GRAP2: variants seen among roughly 807,000 people sequenced by gnomAD.
GRAP2 encodes the protein GRB2-related adapter protein 2.
Under a neutral mutation model 43.5 loss-of-function variants are expected in GRAP2, and 31 were observed. The observed-to-expected ratio is 0.71, with a 90% CI of 0.54 to 0.96. The LOEUF is 0.96. GRAP2 is among the 40% of genes least tolerant of loss of function. GRAP2 has a pLI of 0.00. For missense variants in GRAP2, 371 were observed against 424.4 expected, an observed-to-expected ratio of 0.87 and a Z score of 1.11; for synonymous variants, 156 against 164.8, an observed-to-expected ratio of 0.95 and a Z score of 0.41.
At chr22:39,919,635 G>C (rs1046956112) in intron 1 of GRAP2, among the ~76,000 whole-genome samples, 1 of 152,104 alleles carries the variant, frequency 6.6e-6, no homozygotes, top group Non-Finnish European at 1.5e-5. Flanking sequence ...CTAACACCCA[G>C]TTTTACCTGT....
At chr22:39,950,647 A>G (rs1159856070) in intron 2 of GRAP2, among the ~76,000 whole-genome samples, 2 of 152,212 alleles carry the variant, frequency 1.3e-5, no homozygotes, top group East Asian at 1.9e-4. Context: ...TGCCCAGTAC[A>G]TATTTCTTGA....
At chr22:39,911,365 GAC>G (rs2066563894) in intron 1 of GRAP2, among the ~76,000 whole-genome samples, 5 of 151,882 alleles carry the variant, frequency 3.3e-5, no homozygotes, top group African/African-American at 1.2e-4. Context: ...CATTTAAAAT[GAC>G]TCTCTTCCCT....
At chr22:39,938,869 G>A (rs1166363075) in intron 1 of GRAP2, among the ~76,000 whole-genome samples, 2 of 152,174 alleles carry the variant, frequency 1.3e-5, no homozygotes, top group Non-Finnish European at 2.9e-5. Context: ...CATCCTCATG[G>A]TCTCCAAGAC....
intron 2 of GRAP2, among the ~76,000 whole-genome samples, chr22:39,950,394 G>C (rs368832465): frequency 6.6e-6 from 1 of 152,116 alleles, no homozygotes; most frequent in African/African-American, 2.4e-5. Context: ...CCTTTGCCCC[G>C]TGGGATCCTA....
intron 1 of GRAP2, among the ~76,000 whole-genome samples, chr22:39,940,226 A>T (rs757416607): frequency 5.3e-5 from 8 of 152,208 alleles, no homozygotes; most frequent in Non-Finnish European, 8.8e-5. Flanking sequence ...TAAGAAGGGT[A>T]ACATTTCCAA....
chr22:39,920,802 C>T (rs2066642455), intron 1 of GRAP2, among the ~76,000 whole-genome samples: 3 of 151,918 alleles, frequency 2.0e-5, no homozygotes, highest in African/African-American at 7.3e-5. Context: ...CACACACACA[C>T]GTGGATGCTG....
chr22:39,963,755 C>T (rs548043786), intron 4 of GRAP2, among the ~76,000 whole-genome samples: 5 of 152,194 alleles, frequency 3.3e-5, no homozygotes, highest in South Asian at 2.1e-4. Context: ...CAGTGGCTCA[C>T]GCCTGTAATC....
intron 2 of GRAP2, chr22:39,948,532 A>G (rs1223409890): frequency 6.6e-6 from 1 of 152,106 alleles, no homozygotes; most frequent in African/African-American, 2.4e-5. Flanking sequence ...AAAGAAAAAA[A>G]AAAAAAACTT....
At chr22:39,921,369 A>G (rs1375290630) in intron 1 of GRAP2, among the ~76,000 whole-genome samples, 1 of 152,240 alleles carries the variant, frequency 6.6e-6, no homozygotes, top group Non-Finnish European at 1.5e-5. Flanking sequence ...TTGATTGATG[A>G]CATAATACAT....
chr22:39,968,193 C>T lies in GRAP2; in HGVS notation c.611C>T (p.Pro204Leu), dbSNP rs746302435. The T allele has an allele frequency of 3.1e-6, 5 of 1,610,678 alleles. No individual in the cohort carries two copies. The highest frequency in any genetic ancestry group is 1.1e-5 in the South Asian group (1 of 90,908). Reference sequence around the variant, plus strand: ...CAGCAGCACCAGCACCAGCCACAGCCTCCGCAATATGCCCCAGCGCCCCAG... The same window carrying T: ...CAGCAGCACCAGCACCAGCCACAGCTTCCGCAATATGCCCCAGCGCCCCAG... ...PLQQHQHQPQ[P>L]PQYAPAPQQL... Residue 204 changes from proline (P) to leucine (L), a missense_variant, in exon 6 of 8, where the codon CCT becomes CTT. Physicochemically the swap from Pro to Leu is moderately conservative, Grantham distance 98. Transcript: ENST00000344138.
intron 1 of GRAP2, among the ~76,000 whole-genome samples, chr22:39,938,681 C>A (rs11913888): frequency 6.6e-6 from 1 of 152,246 alleles, no homozygotes; most frequent in Non-Finnish European, 1.5e-5. Flanking sequence ...GCCCACGCCT[C>A]GGTATCTCAC....
Position 39,970,925 on chromosome 22 carries a change from G to A in GRAP2, c.834G>A (p.Ala278=), listed in dbSNP as rs370893199. The A allele has an allele frequency of 2.7e-5, 43 of 1,609,418 alleles. No individual in the cohort carries two copies. Among genetic ancestry groups the A allele is most frequent in the East Asian group, 6.7e-5 (3 of 44,756 alleles). Residue 278 remains alanine (A), a synonymous_variant, in exon 8 of 8, where the codon GCG becomes GCA. Transcript: ENST00000344138. ...AACAGCGAGTGCGGTGGGCCCGGGC[G>A]CTGTATGACTTTGAGGCCCTGGAGG... ...QAAGRVRWAR[A]LYDFEALEDD... is the part of the protein sequence containing the mutation.
intron 1 of GRAP2, among the ~76,000 whole-genome samples, chr22:39,930,947 G>C (rs1027755598): frequency 6.6e-6 from 1 of 152,144 alleles, no homozygotes; most frequent in Non-Finnish European, 1.5e-5. Context: ...TCCTGCACCT[G>C]TCTCCGTCCT....
chr22:39,960,002 C>G, intron 3 of GRAP2, 53 bp from the exon 4 acceptor site: 1 of 1,594,162 alleles, frequency 6.3e-7, no homozygotes, highest in Non-Finnish European at 8.6e-7. Flanking sequence ...ACGTCTCCCT[C>G]TTGTCACTCC....
intron 1 of GRAP2, among the ~76,000 whole-genome samples, chr22:39,906,227 A>AT (rs1296063180): frequency 1.3e-5 from 2 of 152,168 alleles, no homozygotes; most frequent in African/African-American, 4.8e-5. Context: ...ACTATATAAG[A>AT]TTTTACCATA....
chr22:39,899,354 G>A (rs982039365), upstream of GRAP2, among the ~76,000 whole-genome samples: 7 of 152,004 alleles, frequency 4.6e-5, no homozygotes, highest in African/African-American at 1.7e-4. Context: ...TTTTCCCTTC[G>A]CTCCCACTCC....
At chr22:39,962,349 C>T (rs1209669822) in intron 4 of GRAP2, among the ~76,000 whole-genome samples, 3 of 152,034 alleles carry the variant, frequency 2.0e-5, no homozygotes, top group African/African-American at 4.8e-5. Context: ...TGGAGCTGGG[C>T]GGTTGAGGTT....
intron 2 of GRAP2, among the ~76,000 whole-genome samples, chr22:39,955,274 C>T (rs2067034598): frequency 6.6e-6 from 1 of 152,122 alleles, no homozygotes; most frequent in Non-Finnish European, 1.5e-5. Context: ...AGGGGGATCG[C>T]TTGAACCCAG....
intron 1 of GRAP2, among the ~76,000 whole-genome samples, chr22:39,939,664 C>T (rs2145622262): frequency 6.6e-6 from 1 of 151,826 alleles, no homozygotes; most frequent in Middle Eastern, 3.4e-3. Flanking sequence ...GCAGAGGATC[C>T]TTTGGGAGGC....
Sources: gnomAD v4.1 joint callset for allele counts (sites outside exome capture counted in the v4.1 genomes callset) on GRCh38, gnomAD v4.1.1 for gene constraint, MANE v1.5 for transcripts, NCBI Gene and HGNC (gene_info 2026-07-23, HGNC 2026-07-21) for gene names.